The following LY96 variants were observed in gnomAD, a reference collection of about 807,000 sequenced individuals.
The protein encoded by LY96 is lymphocyte antigen 96, also known as myeloid differentiation protein-2.
LY96 carries 18 observed loss-of-function variants against 18.9 expected under a neutral mutation model. The observed-to-expected ratio is 0.95, with a 90% CI of 0.66 to 1.41. LY96 has a LOEUF of 1.41. Among genes scored for constraint, LY96 ranks in the 40% most tolerant of loss-of-function variants. The probability of loss-of-function intolerance (pLI) is 0.00; values close to 1 mark genes in which losing one functional copy is unlikely to be tolerated. For synonymous variants in LY96, 66 were observed against 62.6 expected (o/e 1.06, Z -0.26); for missense variants, 175 against 182.4 (o/e 0.96, Z 0.23).
chr8:74,046,372 G>C, the LY96 span, among the ~76,000 whole-genome samples: 3 of 152,134 alleles, frequency 2.0e-5, no homozygotes, highest in Non-Finnish European at 4.4e-5. Context: ...GTCAACATTT[G>C]ACAACTCTTG....
the LY96 span, among the ~76,000 whole-genome samples, chr8:74,093,350 A>G: frequency 6.6e-6 from 1 of 152,236 alleles, no homozygotes; most frequent in African/African-American, 2.4e-5. Flanking sequence ...TCAGCTTTAC[A>G]TCTTTAATAG....
the LY96 span, among the ~76,000 whole-genome samples, chr8:74,043,413 C>A: frequency 6.6e-6 from 1 of 152,110 alleles, no homozygotes; most frequent in African/African-American, 2.4e-5. Context: ...AGGTAAGATG[C>A]GAGCTTAGAC....
chr8:73,996,904 C>T (rs1816160395), intron 1 of LY96, among the ~76,000 whole-genome samples: 1 of 146,274 alleles, frequency 6.8e-6, no homozygotes, highest in South Asian at 2.2e-4. Flanking sequence ...GCCACCACAC[C>T]CGGCTAATTT....
the LY96 span, among the ~76,000 whole-genome samples, chr8:74,038,003 T>A: frequency 2.0e-4 from 31 of 152,286 alleles, no homozygotes; most frequent in East Asian, 5.8e-4. Flanking sequence ...TTAAAAAAAA[T>A]TTTTAATTTT....
chr8:74,081,041 T>TCTTC, the LY96 span, among the ~76,000 whole-genome samples: 1 of 126,390 alleles, frequency 7.9e-6, no homozygotes, highest in Non-Finnish European at 1.6e-5. Flanking sequence ...TTTCTTTCTT[T>TCTTC]CTTTCTTTTT....
downstream of LY96, among the ~76,000 whole-genome samples, chr8:74,032,238 A>G (rs916176371): frequency 6.6e-6 from 1 of 152,248 alleles, no homozygotes; most frequent in Non-Finnish European, 1.5e-5. Context: ...TGGTATCATC[A>G]TCTCCCTGAG....
chr8:74,093,821 A>G, the LY96 span, among the ~76,000 whole-genome samples: 1 of 152,210 alleles, frequency 6.6e-6, no homozygotes, highest in Non-Finnish European at 1.5e-5. Context: ...ACATCTAAAA[A>G]TAATAATTTA....
At chr8:74,016,795 A>T (rs925519579) in intron 3 of LY96, among the ~76,000 whole-genome samples, 1 of 152,218 alleles carries the variant, frequency 6.6e-6, no homozygotes, top group African/African-American at 2.4e-5. Context: ...ACTCCAACAG[A>T]CCTGCATCTG....
chr8:74,042,046 T>A, the LY96 span, among the ~76,000 whole-genome samples: 1 of 152,232 alleles, frequency 6.6e-6, no homozygotes, highest in Non-Finnish European at 1.5e-5. Context: ...AATTCCTCTC[T>A]TTATTCTCTT....
At chr8:74,037,285 G>A in the LY96 span, among the ~76,000 whole-genome samples, 1 of 152,248 alleles carries the variant, frequency 6.6e-6, no homozygotes, top group South Asian at 2.1e-4. Context: ...CCATAAAAGG[G>A]AATTAGCCTC....
the LY96 span, among the ~76,000 whole-genome samples, chr8:74,089,076 C>T: frequency 1.3e-5 from 2 of 152,146 alleles, no homozygotes; most frequent in Admixed American, 1.3e-4. Context: ...CCCTGACTTC[C>T]TAGCAGGATA....
chr8:74,094,854 A>G, the LY96 span, among the ~76,000 whole-genome samples: 1 of 152,234 alleles, frequency 6.6e-6, no homozygotes, highest in East Asian at 1.9e-4. Context: ...GATGGGTTTA[A>G]GTATATCATC....
chr8:74,029,942 G>A (rs1037629939), downstream of LY96, among the ~76,000 whole-genome samples: 10 of 152,272 alleles, frequency 6.6e-5, no homozygotes, highest in East Asian at 3.9e-4. Flanking sequence ...GAGCCACTGC[G>A]CCCAACCTAA....
At chr8:74,072,727 G>A in the LY96 span, among the ~76,000 whole-genome samples, 1 of 152,020 alleles carries the variant, frequency 6.6e-6, no homozygotes, top group African/African-American at 2.4e-5. Context: ...TTGTTTTATG[G>A]CCTTTGACAA....
intron 1 of LY96, among the ~76,000 whole-genome samples, chr8:73,998,065 A>G (rs1043233879): frequency 2.6e-5 from 4 of 152,152 alleles, no homozygotes; most frequent in Non-Finnish European, 5.9e-5. Context: ...AAAAGTTCCA[A>G]GCTTCTCATC....
At chr8:74,080,922 A>T in the LY96 span, among the ~76,000 whole-genome samples, 6 of 151,994 alleles carry the variant, frequency 3.9e-5, no homozygotes, top group Non-Finnish European at 7.4e-5. Flanking sequence ...AAGCCTACTG[A>T]TGATTTCCTA....
At chr8:74,021,200 C>T (rs1293585626) in intron 3 of LY96, among the ~76,000 whole-genome samples, 1 of 152,112 alleles carries the variant, frequency 6.6e-6, no homozygotes, top group Non-Finnish European at 1.5e-5. Context: ...CCAGAATCTA[C>T]AAAGAACTTA....
chr8:73,996,365 C>T lies in LY96; in HGVS notation c.112+4811C>T, dbSNP rs78440830. ...CCTTCCTTCCTTCCTTCCTTCCTTC[C>T]TTCATTCCTTTCTTTCTTTCTTTCT... On this transcript the variant is annotated intron_variant, in intron 1 of 4. Coordinates refer to ENST00000284818, the MANE Select transcript of LY96 (RefSeq NM_015364.5). Among the ~76,000 whole-genome samples, 739 of 120,120 alleles carry T rather than the reference C, an allele frequency of 6.2e-3. 7 individuals are homozygous for T. Among genetic ancestry groups the T allele is most frequent in the South Asian group, 9.3e-3 (34 of 3,674 alleles). 78.8% of individuals were successfully genotyped at this position (120,120 alleles called of 152,430 possible). A position where few individuals can be genotyped will look rare whatever the true frequency, so the allele number is the denominator to read the frequency against.
At chr8:74,050,388 T>A in the LY96 span, among the ~76,000 whole-genome samples, 1 of 151,590 alleles carries the variant, frequency 6.6e-6, no homozygotes, top group Admixed American at 6.6e-5. Context: ...TTAAAATATT[T>A]AAAAAAAAGA....
Sources: gnomAD v4.1 joint callset for allele counts (sites outside exome capture counted in the v4.1 genomes callset) on GRCh38, gnomAD v4.1.1 for gene constraint, MANE v1.5 for transcripts, NCBI Gene and HGNC (gene_info 2026-07-23, HGNC 2026-07-21) for gene names.